Variants in TBCK observed in about 807,000 individuals in gnomAD.
TBCK encodes TBC1 domain containing kinase.
In TBCK, 99 loss-of-function variants were observed where a neutral mutation model predicts 113.4. The ratio of observed to expected loss-of-function variants is 0.87; its 90% confidence interval spans 0.74 to 1.03. The LOEUF (loss-of-function observed/expected upper bound fraction) is 1.03, where lower values mean the gene tolerates loss of function less well. Ranked by LOEUF, TBCK falls within the 50% of genes least tolerant of loss-of-function variation. The pLI, the probability that TBCK is intolerant of heterozygous loss-of-function variation, is 0.00. For synonymous variants in TBCK, 369 were observed against 370.8 expected (o/e 1.00, Z 0.05); for missense variants, 1,045 against 1,061.3 (o/e 0.98, Z 0.21).
chr4:106,104,821 G>A (rs1332859272), intron 24 of TBCK, among the ~76,000 whole-genome samples: 1 of 152,236 alleles, frequency 6.6e-6, no homozygotes, highest in East Asian at 1.9e-4. Context: ...CTGTTTCACA[G>A]CTTTCACTGG....
At chr4:106,171,368 G>A in intron 22 of TBCK, 98 bp from the exon 23 acceptor site, 1 of 849,674 alleles carries the variant, frequency 1.2e-6, no homozygotes, top group Non-Finnish European at 1.8e-6. Flanking sequence ...ATCTAAATAT[G>A]GCTAAGATGA....
At chr4:106,073,029 C>A (rs574457064) in intron 25 of TBCK, among the ~76,000 whole-genome samples, 3 of 152,252 alleles carry the variant, frequency 2.0e-5, no homozygotes, top group East Asian at 1.9e-4. Flanking sequence ...AGCTTCCTTG[C>A]GATGGGTTCG....
chr4:106,294,296 T>C (rs1420107548), intron 3 of TBCK, among the ~76,000 whole-genome samples: 1 of 151,696 alleles, frequency 6.6e-6, no homozygotes, highest in Non-Finnish European at 1.5e-5. Flanking sequence ...TTCAAGCAAT[T>C]CTCCTGCCTC....
At chr4:106,222,207 T>G (rs1159801763) in intron 19 of TBCK, among the ~76,000 whole-genome samples, 1 of 152,048 alleles carries the variant, frequency 6.6e-6, no homozygotes, top group East Asian at 1.9e-4. Context: ...TGTAAAACCT[T>G]ATAACTTTTA....
chr4:106,218,145 C>T (rs1282637544), intron 19 of TBCK, among the ~76,000 whole-genome samples: 4 of 143,134 alleles, frequency 2.8e-5, no homozygotes, highest in Non-Finnish European at 4.6e-5. Flanking sequence ...ATAAATGGTG[C>T]TGGGAAAACT....
At chr4:106,151,181 T>C (rs1748441189) in intron 23 of TBCK, among the ~76,000 whole-genome samples, 1 of 152,034 alleles carries the variant, frequency 6.6e-6, no homozygotes, top group Non-Finnish European at 1.5e-5. Flanking sequence ...TCTCAAGCAT[T>C]TATCCTTTGT....
chr4:106,311,989 A>G (rs1768249534), intron 1 of TBCK, among the ~76,000 whole-genome samples: 1 of 152,188 alleles, frequency 6.6e-6, no homozygotes, highest in Non-Finnish European at 1.5e-5. Flanking sequence ...ACATAAGCGA[A>G]TATCTTTACA....
chr4:106,216,307 C>T (rs1756910170), intron 19 of TBCK, among the ~76,000 whole-genome samples: 1 of 151,474 alleles, frequency 6.6e-6, no homozygotes, highest in African/African-American at 2.4e-5. Flanking sequence ...ATTAAAAGAA[C>T]AAGAAAAGCA....
At chr4:106,289,853 TGTGCTAC>T (rs1343403062) in intron 3 of TBCK, among the ~76,000 whole-genome samples, 1 of 152,138 alleles carries the variant, frequency 6.6e-6, no homozygotes, top group Non-Finnish European at 1.5e-5. Context: ...AAGAATAACT[TGTGCTAC>T]AATGATCTCT....
chr4:106,250,347 C>T (rs1049400842), intron 7 of TBCK, 71 bp downstream of exon 7: 28 of 1,037,928 alleles, frequency 2.7e-5, no homozygotes, highest in Non-Finnish European at 3.8e-5. Context: ...AAGAACACAT[C>T]CTCAATGTGC....
chr4:106,063,039 C>T (rs1230255396), intron 25 of TBCK, among the ~76,000 whole-genome samples: 2 of 151,892 alleles, frequency 1.3e-5, no homozygotes, highest in Non-Finnish European at 2.9e-5. Context: ...TCGAAGTAAT[C>T]TTTTATCACT....
intron 19 of TBCK, among the ~76,000 whole-genome samples, chr4:106,218,601 C>A: frequency 2.7e-5 from 2 of 73,174 alleles, no homozygotes; most frequent in Non-Finnish European, 5.8e-5. Flanking sequence ...TTTATGCAGC[C>A]AAAAAACACA....
At position 106,252,149 on chromosome 4, in the gene TBCK, C is replaced by G. The variant is rs1761506220; in HGVS notation, c.456-142G>C. 5 of 609,058 alleles carry G rather than the reference C, an allele frequency of 8.2e-6. No individual in the cohort carries two copies. The Admixed American group carries it at 1.3e-4, about 16-fold the overall frequency. 37.7% of individuals were successfully genotyped at this position (609,058 alleles called of 1,614,324 possible). ...GTTGCTAGAAAGCATTCTAAACTAA[C>G]CATCATAATACAGAACTTTAATGTC... is the stretch of plus-strand genomic sequence containing the variant. On this transcript the variant is annotated intron_variant, in intron 5 of 25. Transcript: ENST00000394708.
At chr4:106,085,843 T>C (rs1363676897) in intron 25 of TBCK, among the ~76,000 whole-genome samples, 1 of 152,164 alleles carries the variant, frequency 6.6e-6, no homozygotes, top group Non-Finnish European at 1.5e-5. Context: ...ACCTGTTCCT[T>C]AATGACTCCT....
At chr4:106,299,555 T>C (rs987597236) in intron 2 of TBCK, among the ~76,000 whole-genome samples, 5 of 152,220 alleles carry the variant, frequency 3.3e-5, no homozygotes, top group African/African-American at 1.2e-4. Flanking sequence ...TTAAGCATAG[T>C]TTTAATACTG....
chr4:106,252,456 T>C (rs1477405038), intron 5 of TBCK, among the ~76,000 whole-genome samples: 8 of 152,120 alleles, frequency 5.3e-5, no homozygotes, highest in African/African-American at 1.9e-4. Context: ...TCTACACCCC[T>C]GTCATCCATA....
At chr4:106,308,660 G>T in intron 2 of TBCK, 108 bp downstream of exon 2, 1 of 968,740 alleles carries the variant, frequency 1.0e-6, no homozygotes, top group Non-Finnish European at 1.5e-6. Context: ...AGAAGGACAT[G>T]TGTGCACTGG....
chr4:106,202,979 TA>T (rs1292746193), intron 20 of TBCK, among the ~76,000 whole-genome samples: 1 of 152,084 alleles, frequency 6.6e-6, no homozygotes, highest in African/African-American at 2.4e-5. Flanking sequence ...TAATTATAAA[TA>T]GATGATATAG....
intron 1 of TBCK, among the ~76,000 whole-genome samples, chr4:106,314,304 A>G (rs1324222350): frequency 6.6e-6 from 1 of 152,196 alleles, no homozygotes; most frequent in Non-Finnish European, 1.5e-5. Context: ...AAAGTAGTTT[A>G]CGTATATTAT....
Sources: allele counts gnomAD v4.1 joint callset (sites outside exome capture counted in the v4.1 genomes callset), GRCh38; gene constraint gnomAD v4.1.1; transcripts MANE v1.5; gene names NCBI Gene and HGNC (gene_info 2026-07-23, HGNC 2026-07-21).